The following TCERG1 variants were observed in gnomAD, a reference collection of about 807,000 sequenced individuals.
The protein encoded by TCERG1 is TATA box binding protein (TBP)-associated factor, RNA polymerase II, S, 150kD.
A neutral mutation model predicts 144.7 loss-of-function variants in TCERG1; 37 were observed. That is an observed-to-expected ratio of 0.26 (90% CI 0.20 to 0.34). TCERG1 has a LOEUF of 0.34. Ranked by LOEUF, TCERG1 falls within the 10% of genes least tolerant of loss-of-function variation. TCERG1 has a pLI of 1.00. For missense variants in TCERG1, 1,027 were observed against 1,380.7 expected (o/e 0.74, Z 4.06); for synonymous variants, 492 against 458.2 (o/e 1.07, Z -0.94).
intron 6 of TCERG1, 113 bp from the exon 7 acceptor site, chr5:146,469,431 A>T (rs1014858009): frequency 1.2e-6 from 1 of 847,480 alleles, no homozygotes; most frequent in African/African-American, 1.8e-5. Context: ...TTTTGTTCCA[A>T]CTGGTCCATT....
At chr5:146,487,438 CAG>C (rs1263693225) in intron 15 of TCERG1, among the ~76,000 whole-genome samples, 1 of 151,996 alleles carries the variant, frequency 6.6e-6, no homozygotes, top group Non-Finnish European at 1.5e-5. Context: ...ACATTCAAAA[CAG>C]AATGTCACTG....
In TCERG1 at chr5:146,508,052, T is replaced by C; in HGVS notation, c.3045+96T>C. On this transcript the variant is annotated intron_variant, in intron 21 of 22. Transcript: ENST00000679501. ...ATCTTAACCAAAATGAAGTTGATTG[T>C]TTTAAGTGAATTACTTTTAAGTGTA... 1.5e-5 allele frequency: 11 copies of C among 743,436 alleles called. No homozygotes were observed. The South Asian group carries it at 2.5e-4, about 17-fold the overall frequency. 46.1% of individuals were successfully genotyped at this position (743,436 alleles called of 1,614,324 possible).
At chr5:146,473,335 A>G (rs1764525322) in intron 9 of TCERG1, among the ~76,000 whole-genome samples, 1 of 152,196 alleles carries the variant, frequency 6.6e-6, no homozygotes, top group Non-Finnish European at 1.5e-5. Context: ...GCTGCAGAAG[A>G]AGAGTTGGAA....
In TCERG1 at chr5:146,511,296, G is replaced by A. The variant is rs554878879; in HGVS notation, c.*654G>A. On this transcript the variant is annotated 3_prime_UTR_variant, in exon 23 of 23. Coordinates refer to ENST00000679501, the MANE Select transcript of TCERG1 (RefSeq NM_001382548.1). ...GAACCACGGTCATAACTAACATGTT[G>A]GCCAGAATAGAACCACTGGTTAAAC... 4 of 152,616 alleles carry A rather than the reference G, an allele frequency of 2.6e-5. No homozygotes were observed. In the East Asian group the frequency reaches 7.7e-4, roughly 29 times the overall value. The allele number at this position is 152,616 out of a possible 1,614,324, so 9.5% of individuals were successfully genotyped here. A position where few individuals can be genotyped will look rare whatever the true frequency, so the allele number is the denominator to read the frequency against.
chr5:146,489,351 A>G (rs1766174189), intron 15 of TCERG1, among the ~76,000 whole-genome samples: 1 of 152,136 alleles, frequency 6.6e-6, no homozygotes. Context: ...TTTGTCAATT[A>G]AAAAAATCCC....
At chr5:146,497,131 C>G (rs1024116504) in intron 16 of TCERG1, among the ~76,000 whole-genome samples, 2 of 151,816 alleles carry the variant, frequency 1.3e-5, no homozygotes, top group African/African-American at 4.8e-5. Context: ...CTTGGCCTCC[C>G]AAAGTGGTGA....
chr5:146,474,790 A>C (rs1345080016), intron 9 of TCERG1, among the ~76,000 whole-genome samples: 1 of 152,204 alleles, frequency 6.6e-6, no homozygotes, highest in Non-Finnish European at 1.5e-5. Flanking sequence ...GCAATAAAGT[A>C]TTTTTAAATT....
intron 5 of TCERG1, among the ~76,000 whole-genome samples, chr5:146,467,038 G>A (rs771749043): frequency 1.8e-4 from 27 of 151,958 alleles, no homozygotes; most frequent in Non-Finnish European, 2.5e-4. Flanking sequence ...TTCAACATTA[G>A]GGAAAATAAA....
At chr5:146,457,820 G>A (rs527992894) in intron 3 of TCERG1, among the ~76,000 whole-genome samples, 1 of 152,284 alleles carries the variant, frequency 6.6e-6, no homozygotes, top group Non-Finnish European at 1.5e-5. Flanking sequence ...AGAAAATTGG[G>A]CTGTGGGGTG....
chr5:146,463,889 A>T, intron 5 of TCERG1, 96 bp downstream of exon 5: 1 of 1,532,100 alleles, frequency 6.5e-7, no homozygotes, highest in Non-Finnish European at 8.9e-7. Flanking sequence ...TTTGCCTTGA[A>T]TCTCACCTGT....
chr5:146,458,199 G>A (rs1440092761), intron 3 of TCERG1, among the ~76,000 whole-genome samples: 1 of 151,408 alleles, frequency 6.6e-6, no homozygotes, highest in Non-Finnish European at 1.5e-5. Flanking sequence ...TTTTTGAGAT[G>A]GAGTCTCGTG....
At chr5:146,485,772 C>T (rs1210174353) in intron 15 of TCERG1, among the ~76,000 whole-genome samples, 1 of 152,146 alleles carries the variant, frequency 6.6e-6, no homozygotes, top group African/African-American at 2.4e-5. Flanking sequence ...CATCTTACTG[C>T]AGCCTCTGCC....
At chr5:146,449,882 T>C (rs1014971093) in intron 1 of TCERG1, among the ~76,000 whole-genome samples, 2 of 152,182 alleles carry the variant, frequency 1.3e-5, no homozygotes, top group East Asian at 1.9e-4. Flanking sequence ...AATCTAAATT[T>C]CCTTATCTAT....
chr5:146,483,963 T>C (rs917235792), intron 15 of TCERG1, among the ~76,000 whole-genome samples: 1 of 152,128 alleles, frequency 6.6e-6, no homozygotes, highest in African/African-American at 2.4e-5. Context: ...AGTAGAAAAA[T>C]AGCAAAATAC....
chr5:146,451,852 A>G (rs56197212), intron 1 of TCERG1, among the ~76,000 whole-genome samples: 9,595 of 151,014 alleles, frequency 0.064, 421 homozygotes, highest in Non-Finnish European at 0.085. Context: ...CGGTGGTGCA[A>G]TATCGGCTCA....
In TCERG1 at chr5:146,503,488, T is replaced by A; in HGVS notation, c.2547T>A (p.Ser849Arg). The change falls in exon 18 of 23, where the codon AGT (serine) becomes AGA (arginine). Residue 849 changes from serine to arginine, a missense_variant. This residue lies in a region of TCERG1 where 482 missense variants were observed against 632.6 expected (regional missense o/e 0.76). Transcript: ENST00000679501. ...ATCCACGTTACAAAGCAGTAGATAG[T>A]TCATCAATGAGAGAAGACCTTTTCA... ...ESDPRYKAVD[S>R]SSMREDLFKQ... The A allele has an allele frequency of 6.2e-7, 1 of 1,613,940 alleles. No homozygotes were observed. Among genetic ancestry groups the A allele is most frequent in the South Asian group, 1.1e-5 (1 of 91,058 alleles).
intron 9 of TCERG1, among the ~76,000 whole-genome samples, chr5:146,473,518 C>T (rs1764541535): frequency 1.3e-5 from 2 of 152,148 alleles, no homozygotes; most frequent in South Asian, 4.1e-4. Flanking sequence ...GTAGACGAAA[C>T]AGCCTTCTAT....
intron 13 of TCERG1, chr5:146,481,775 G>A (rs1188118530): frequency 6.6e-6 from 1 of 151,978 alleles, no homozygotes; most frequent in Non-Finnish European, 1.5e-5. Flanking sequence ...TACGTGAATG[G>A]GCCTTTTTCA....
At chr5:146,461,615 C>A (rs1231815140) in intron 4 of TCERG1, among the ~76,000 whole-genome samples, 1 of 152,110 alleles carries the variant, frequency 6.6e-6, no homozygotes, top group Non-Finnish European at 1.5e-5. Flanking sequence ...TATTTTTTGT[C>A]ATCTCCATTG....
Sources: gnomAD v4.1 joint callset for allele counts (sites outside exome capture counted in the v4.1 genomes callset) on GRCh38, gnomAD v4.1.1 for gene constraint, gnomAD v4.1.1 regional missense constraint, MANE v1.5 for transcripts, NCBI Gene and HGNC (gene_info 2026-07-23, HGNC 2026-07-21) for gene names.